The following HECTD4 variants were observed in gnomAD, a reference collection of about 807,000 sequenced individuals.
HECTD4 encodes the protein HECT domain E3 ubiquitin protein ligase 4.
A neutral mutation model predicts 471.5 loss-of-function variants in HECTD4; 114 were observed. The observed-to-expected ratio is 0.24, with a 90% CI of 0.21 to 0.28. The LOEUF (loss-of-function observed/expected upper bound fraction) is 0.28, where lower values mean the gene tolerates loss of function less well. Among genes scored for constraint, HECTD4 ranks in the 10% least tolerant of loss-of-function variants. The probability of loss-of-function intolerance (pLI) is 1.00; values close to 1 mark genes in which losing one functional copy is unlikely to be tolerated. For synonymous variants in HECTD4, 2,012 were observed against 2,256.0 expected, an observed-to-expected ratio of 0.89 and a Z score of 3.07; for missense variants, 3,866 against 5,651.5, an observed-to-expected ratio of 0.68 and a Z score of 10.13.
At chr12:112,226,192 TACACACACACAC>T (rs58470224) in intron 44 of HECTD4, among the ~76,000 whole-genome samples, 1 of 150,326 alleles carries the variant, frequency 6.7e-6, no homozygotes, top group African/African-American at 2.4e-5. Context: ...GACTTTTCCA[TACACACACACAC>T]ACACTCACAC....
chr12:112,342,421 C>A (rs1180679715), intron 1 of HECTD4, among the ~76,000 whole-genome samples: 2 of 152,170 alleles, frequency 1.3e-5, no homozygotes, highest in East Asian at 3.8e-4. Context: ...CGTACCACTG[C>A]ACTCCAGCCT....
At position 112,256,338 on chromosome 12, in the gene HECTD4, C is replaced by A. The variant is rs759052239; in HGVS notation, c.3309G>T (p.Ser1103=). The A allele has an allele frequency of 1.2e-6, 2 of 1,602,692 alleles. No individual in the cohort carries two copies. Among genetic ancestry groups the A allele is most frequent in the Non-Finnish European group, 8.5e-7 (1 of 1,175,558 alleles). ...LYLRFDSRCS[S]QYDYDKLVIY... Reference sequence around the variant, plus strand: ...TACTTACTTTGTCATAGTCATATTGCGAAGAGCATCTGCTATCAAATCTAA... The same window carrying A: ...TACTTACTTTGTCATAGTCATATTGAGAAGAGCATCTGCTATCAAATCTAA... The change falls in exon 21 of 76, where the codon TCG becomes TCT. Residue 1103 remains serine, a synonymous_variant. Transcript: ENST00000682272.
intron 4 of HECTD4, among the ~76,000 whole-genome samples, chr12:112,312,727 C>T (rs1030766610): frequency 1.3e-5 from 2 of 152,116 alleles, no homozygotes; most frequent in African/African-American, 2.4e-5. Context: ...GGCTATCATA[C>T]CCAAACTCAA....
At chr12:112,250,066 C>G in intron 25 of HECTD4, 78 bp downstream of exon 25, 2 of 983,822 alleles carry the variant, frequency 2.0e-6, no homozygotes, top group Non-Finnish European at 3.1e-6. Flanking sequence ...TACTAGACCA[C>G]AGAAGAAATA....
intron 7 of HECTD4, among the ~76,000 whole-genome samples, chr12:112,290,147 C>T (rs958857711): frequency 1.3e-5 from 2 of 151,878 alleles, no homozygotes; most frequent in Admixed American, 6.6e-5. Flanking sequence ...ATGGTGAAAC[C>T]CCATCTATAC....
chr12:112,311,437 C>CATAA lies in HECTD4; in HGVS notation c.916+1576_916+1579dup, dbSNP rs112895022. On this transcript the variant is annotated intron_variant, in intron 4 of 75. Coordinates refer to ENST00000682272, the MANE Select transcript of HECTD4 (RefSeq NM_001388303.1). ...CAACAAAGCGAGATCCCCGTCTCTA[C>CATAA]ATAAATAAATAAATAAATAAATAAA... Among the ~76,000 whole-genome samples, 221 of 140,848 alleles carry CATAA rather than the reference C, an allele frequency of 1.6e-3. 2 individuals carry two copies. The highest frequency in any genetic ancestry group is 6.1e-3 in the East Asian group (29 of 4,782). The allele number at this position is 140,848 out of a possible 152,430, so 92.4% of individuals were successfully genotyped here. A position where few individuals can be genotyped will look rare whatever the true frequency, so the allele number is the denominator to read the frequency against.
intron 1 of HECTD4, among the ~76,000 whole-genome samples, chr12:112,350,361 A>G (rs1337008859): frequency 1.3e-5 from 2 of 152,220 alleles, no homozygotes; most frequent in African/African-American, 4.8e-5. Context: ...CTGGGGAAAC[A>G]GTATGTGTTA....
Position 112,162,793 on chromosome 12 carries a change from T to C in HECTD4, c.13120+249A>G, listed in dbSNP as rs895182890. ...CTTTTTTTTTTTTTTTAACCATTTT[T>C]CTGCATTTAAAAGTTAGAAGATTTG... On this transcript the variant is annotated intron_variant, in intron 75 of 75. Transcript: ENST00000682272. The surrounding 1 kb of genome is among the most constrained non-coding windows in gnomAD (Gnocchi z 5.2). 8.9e-6 allele frequency: 5 copies of C among 561,170 alleles called. No individual in the cohort carries two copies. The highest frequency in any genetic ancestry group is 1.6e-5 in the Non-Finnish European group (5 of 321,280). 34.8% of individuals were successfully genotyped at this position (561,170 alleles called of 1,614,324 possible). A position where few individuals can be genotyped will look rare whatever the true frequency, so the allele number is the denominator to read the frequency against.
At chr12:112,234,937 G>T in intron 37 of HECTD4, 140 bp downstream of exon 37, 1 of 684,692 alleles carries the variant, frequency 1.5e-6, no homozygotes, top group Non-Finnish European at 2.4e-6. Flanking sequence ...GTCACCACAG[G>T]AATCACAGTG....
chr12:112,356,628 G>C lies in HECTD4; in HGVS notation c.177+25324C>G, dbSNP rs1390140308. 2.0e-5 allele frequency among the ~76,000 whole-genome samples: 3 copies of C among 152,002 alleles called. No individual in the cohort carries two copies. The South Asian group carries it at 6.2e-4, about 32-fold the overall frequency. On this transcript the variant is annotated intron_variant, in intron 1 of 75. Transcript: ENST00000682272. ...TAATTTTTGTATTTTGGTAGAGACA[G>C]GGTTTTGCCATGTTGCCTAGGCTGG...
At chr12:112,203,481 T>C in intron 54 of HECTD4, 155 bp downstream of exon 54, 1 of 589,484 alleles carries the variant, frequency 1.7e-6, no homozygotes, top group East Asian at 3.2e-5. Context: ...CTCAGGCAAG[T>C]CAATTGGCAT....
chr12:112,375,386 G>A (rs117853795), intron 1 of HECTD4, among the ~76,000 whole-genome samples: 1 of 152,200 alleles, frequency 6.6e-6, no homozygotes, highest in Non-Finnish European at 1.5e-5. Context: ...GGTGTGGGGC[G>A]GGGTGGAGAG....
At chr12:112,248,726 G>A (rs2033813315) in intron 25 of HECTD4, among the ~76,000 whole-genome samples, 1 of 152,104 alleles carries the variant, frequency 6.6e-6, no homozygotes, top group Non-Finnish European at 1.5e-5. Flanking sequence ...GACTACAGGT[G>A]CATGCTGCCA....
intron 8 of HECTD4, among the ~76,000 whole-genome samples, chr12:112,280,477 T>C (rs775645365): frequency 3.0e-4 from 46 of 152,154 alleles, no homozygotes; most frequent in Non-Finnish European, 6.5e-4. Flanking sequence ...CCTGGATAGA[T>C]GAAAATCATT....
intron 9 of HECTD4, among the ~76,000 whole-genome samples, chr12:112,278,115 T>C (rs1159587964): frequency 6.6e-6 from 1 of 152,100 alleles, no homozygotes; most frequent in Non-Finnish European, 1.5e-5. Context: ...TAAAAGGCCA[T>C]ATGTTGTATA....
chr12:112,299,572 G>A (rs900331219), intron 7 of HECTD4, among the ~76,000 whole-genome samples: 5 of 152,020 alleles, frequency 3.3e-5, no homozygotes, highest in Non-Finnish European at 7.4e-5. Flanking sequence ...GCAGTGAGCC[G>A]AGATCTAGCC....
chr12:112,331,224 C>T (rs538866142), intron 1 of HECTD4, among the ~76,000 whole-genome samples: 2 of 152,156 alleles, frequency 1.3e-5, no homozygotes, highest in South Asian at 4.1e-4. Context: ...GCACGTGCCA[C>T]CACGCCCAGC....
intron 9 of HECTD4, among the ~76,000 whole-genome samples, chr12:112,277,513 C>T (rs1250804427): frequency 6.6e-6 from 1 of 152,168 alleles, no homozygotes; most frequent in African/African-American, 2.4e-5. Flanking sequence ...CCTGTCTGAG[C>T]CTCAGTGACC....
chr12:112,358,891 G>A (rs1348186303), intron 1 of HECTD4, among the ~76,000 whole-genome samples: 4 of 151,986 alleles, frequency 2.6e-5, no homozygotes, highest in Admixed American at 6.6e-5. Context: ...TATAAGAACG[G>A]CCGGCCGGGC....
Sources: allele counts gnomAD v4.1 joint callset (sites outside exome capture counted in the v4.1 genomes callset), GRCh38; gene constraint gnomAD v4.1.1; non-coding constraint Gnocchi (gnomAD v3.1); transcripts MANE v1.5; gene names NCBI Gene and HGNC (gene_info 2026-07-23, HGNC 2026-07-21).